The following CGGBP1 variants were observed in gnomAD, a reference collection of about 807,000 sequenced individuals.
CGGBP1 encodes CGG triplet repeat-binding protein 1.
In CGGBP1, 4 loss-of-function variants were observed where a neutral mutation model predicts 11.4. The ratio of observed to expected loss-of-function variants is 0.35; its 90% CI spans 0.17 to 0.80. The LOEUF (loss-of-function observed/expected upper bound fraction) is 0.80, where lower values mean the gene tolerates loss of function less well. Ranked by LOEUF, CGGBP1 falls within the 30% of genes least tolerant of loss-of-function variation. The pLI is 0.52. For missense variants in CGGBP1, 135 were observed against 202.1 expected (o/e 0.67, Z 2.01); for synonymous variants, 76 against 74.1 (o/e 1.03, Z -0.13).
upstream of CGGBP1, among the ~76,000 whole-genome samples, chr3:88,060,248 T>C (rs1424724217): frequency 6.6e-6 from 1 of 152,188 alleles, no homozygotes; most frequent in Non-Finnish European, 1.5e-5. Context: ...ATATATAATG[T>C]ATTTTATTTA....
At chr3:88,091,611 A>G (rs1708634266) in intron 2 of CGGBP1, among the ~76,000 whole-genome samples, 1 of 152,140 alleles carries the variant, frequency 6.6e-6, no homozygotes, top group South Asian at 2.1e-4. Flanking sequence ...TCCCCACCCA[A>G]ATCTCATCTT....
intron 2 of CGGBP1, chr3:88,129,929 C>T (rs1706345244): frequency 9.2e-7 from 1 of 1,082,104 alleles, no homozygotes; most frequent in Non-Finnish European, 1.2e-6. Flanking sequence ...TGTCAAGCTA[C>T]TTTTAAAAAA....
intron 2 of CGGBP1, among the ~76,000 whole-genome samples, chr3:88,099,300 A>G (rs1175226593): frequency 6.6e-6 from 1 of 152,164 alleles, no homozygotes; most frequent in Non-Finnish European, 1.5e-5. Flanking sequence ...CTTCAAGGAG[A>G]ACTGCAAATC....
chr3:88,052,031 A>C lies in CGGBP1; in HGVS notation c.*3442T>G, dbSNP rs545023152. 2 of 152,742 alleles carry C rather than the reference A, an allele frequency of 1.3e-5. No individual in the cohort carries two copies. Among genetic ancestry groups the C allele is most frequent in the Non-Finnish European group, 2.9e-5 (2 of 68,028 alleles). The allele number at this position is 152,742 out of a possible 1,614,324, so 9.5% of individuals were successfully genotyped here. A position where few individuals can be genotyped will look rare whatever the true frequency, so the allele number is the denominator to read the frequency against. On this transcript the variant is annotated 3_prime_UTR_variant, in exon 4 of 4. Coordinates refer to ENST00000482016, the MANE Select transcript of CGGBP1 (RefSeq NM_001008390.2). ...AAAATCTTTTGAAACAATTTTTCTG[A>C]AATTTATTTCTAAAAGTCAGAGACA... is the stretch of plus-strand genomic sequence containing the variant.
chr3:88,100,726 G>A (rs1704364489), intron 2 of CGGBP1, among the ~76,000 whole-genome samples: 1 of 151,728 alleles, frequency 6.6e-6, no homozygotes, highest in African/African-American at 2.4e-5. Context: ...ACCAAACACC[G>A]CCATGTTCTC....
chr3:88,058,635 G>C (rs915223814), intron 1 of CGGBP1, among the ~76,000 whole-genome samples, 180 bp downstream of exon 1: 2 of 152,210 alleles, frequency 1.3e-5, no homozygotes, highest in Non-Finnish European at 2.9e-5. Context: ...TCTCAAGGGA[G>C]GCGGCGGCAG....
At chr3:88,063,837 C>T (rs1707034922), upstream of CGGBP1, among the ~76,000 whole-genome samples, 1 of 152,004 alleles carries the variant, frequency 6.6e-6, no homozygotes, top group Non-Finnish European at 1.5e-5. Flanking sequence ...TCTTAGCATC[C>T]CGAGTTTGTG....
intron 2 of CGGBP1, among the ~76,000 whole-genome samples, chr3:88,097,172 T>C (rs1331875967): frequency 1.3e-5 from 2 of 152,132 alleles, no homozygotes; most frequent in Non-Finnish European, 2.9e-5. Flanking sequence ...TTGTATATCT[T>C]AGATGTATCC....
intron 2 of CGGBP1, chr3:88,135,359 C>G: frequency 2.1e-6 from 1 of 478,168 alleles, no homozygotes; most frequent in Non-Finnish European, 3.4e-6. Context: ...TGCCCTAACT[C>G]CAAACTCTCA....
chr3:88,098,996 G>A (rs1415837336), intron 2 of CGGBP1, among the ~76,000 whole-genome samples: 8 of 152,038 alleles, frequency 5.3e-5, no homozygotes, highest in Non-Finnish European at 1.0e-4. Flanking sequence ...GCAATCAGGC[G>A]AGAGAAAGAA....
At chr3:88,092,421 T>C (rs1254712987) in intron 2 of CGGBP1, among the ~76,000 whole-genome samples, 2 of 152,090 alleles carry the variant, frequency 1.3e-5, no homozygotes, top group African/African-American at 2.4e-5. Context: ...AATTACAGAA[T>C]GCAATGAGAG....
At chr3:88,076,967 GC>G (rs1194395549) in intron 2 of CGGBP1, among the ~76,000 whole-genome samples, 4 of 152,142 alleles carry the variant, frequency 2.6e-5, no homozygotes, top group Non-Finnish European at 5.9e-5. Context: ...ATTAACCTTG[GC>G]CAGGAGCTGA....
chr3:88,115,870 G>A (rs571100619), intron 2 of CGGBP1, among the ~76,000 whole-genome samples: 42 of 152,230 alleles, frequency 2.8e-4, no homozygotes, highest in Admixed American at 1.8e-3. Context: ...TAAAATGAGG[G>A]AAAATAATAA....
intron 2 of CGGBP1, among the ~76,000 whole-genome samples, chr3:88,077,412 C>T (rs1237131525): frequency 6.6e-6 from 1 of 151,076 alleles, no homozygotes; most frequent in African/African-American, 2.4e-5. Flanking sequence ...CGGCTCACTG[C>T]AAGCTCCGCC....
chr3:88,072,592 T>C (rs1224840062), intron 2 of CGGBP1, among the ~76,000 whole-genome samples: 1 of 152,196 alleles, frequency 6.6e-6, no homozygotes, highest in African/African-American at 2.4e-5. Flanking sequence ...CCTCCACAGA[T>C]AGACTCTTAT....
At chr3:88,134,154 T>C (rs1706628775) in intron 2 of CGGBP1, among the ~76,000 whole-genome samples, 1 of 151,634 alleles carries the variant, frequency 6.6e-6, no homozygotes, top group South Asian at 2.1e-4. Context: ...AAATAGCTAG[T>C]ATGAAATGGA....
At chr3:88,060,000 C>A (rs759540412), upstream of CGGBP1, among the ~76,000 whole-genome samples, 31 of 151,992 alleles carry the variant, frequency 2.0e-4, no homozygotes, top group Non-Finnish European at 3.2e-4. Flanking sequence ...CTTCTAGGGT[C>A]TCCTGTCATC....
At chr3:88,145,123 T>TA (rs1707286992) in intron 1 of CGGBP1, among the ~76,000 whole-genome samples, 1 of 152,042 alleles carries the variant, frequency 6.6e-6, no homozygotes, top group Non-Finnish European at 1.5e-5. Context: ...TGATGAAAAT[T>TA]ACTTCCTAGG....
chr3:88,109,929 C>T (rs2107754139), intron 2 of CGGBP1, among the ~76,000 whole-genome samples: 1 of 152,174 alleles, frequency 6.6e-6, no homozygotes, highest in South Asian at 2.1e-4. Flanking sequence ...TGAGTTTAAT[C>T]AGATTTTTAA....
Sources: gnomAD v4.1 joint callset for allele counts (sites outside exome capture counted in the v4.1 genomes callset) on GRCh38, gnomAD v4.1.1 for gene constraint, MANE v1.5 for transcripts, NCBI Gene and HGNC (gene_info 2026-07-23, HGNC 2026-07-21) for gene names.